The following ATRNL1 variants were observed in gnomAD, a reference collection of about 807,000 sequenced individuals.
ATRNL1 encodes the protein attractin-like protein 1.
In ATRNL1, 95 loss-of-function variants were observed where a neutral mutation model predicts 182.7. The observed-to-expected ratio is 0.52, with a 90% CI of 0.44 to 0.62. The LOEUF (loss-of-function observed/expected upper bound fraction) is 0.62. Among genes scored for constraint, ATRNL1 ranks in the 20% least tolerant of loss-of-function variants. The pLI is 0.00. For missense variants in ATRNL1, 1,471 were observed against 1,679.5 expected (o/e 0.88, Z 2.17); for synonymous variants, 576 against 568.3 (o/e 1.01, Z -0.19).
chr10:115,764,685 G>C (rs1555074525), intron 27 of ATRNL1, among the ~76,000 whole-genome samples: 2 of 151,598 alleles, frequency 1.3e-5, no homozygotes, highest in South Asian at 4.2e-4. Flanking sequence ...TTTTTTTGTT[G>C]TTGTTGAGAT....
At chr10:115,442,303 C>CTCTCTCTCTCTGTGTG (rs782157017) in intron 21 of ATRNL1, among the ~76,000 whole-genome samples, 33 of 123,856 alleles carry the variant, frequency 2.7e-4, no homozygotes, top group South Asian at 5.1e-4. Context: ...CTCTCTCTCT[C>CTCTCTCTCTCTGTGTG]TGTGTGTATG....
At chr10:115,130,408 A>G (rs535465669) in intron 5 of ATRNL1, among the ~76,000 whole-genome samples, 20 of 152,108 alleles carry the variant, frequency 1.3e-4, no homozygotes, top group Non-Finnish European at 2.6e-4. Context: ...AGTTGTATTC[A>G]TTATTCCTGA....
chr10:115,784,567 C>T (rs782361886), intron 27 of ATRNL1, among the ~76,000 whole-genome samples: 4 of 152,274 alleles, frequency 2.6e-5, no homozygotes, highest in Middle Eastern at 3.4e-3. Flanking sequence ...AAAATGTATT[C>T]TCTCTCAGTC....
At chr10:115,125,857 A>G (rs559291928) in intron 3 of ATRNL1, among the ~76,000 whole-genome samples, 76 of 152,294 alleles carry the variant, frequency 5.0e-4, no homozygotes, top group Non-Finnish European at 1.0e-3. Flanking sequence ...CAGCCTTGAA[A>G]TCAGCAAATG....
intron 1 of ATRNL1, among the ~76,000 whole-genome samples, chr10:115,100,574 C>T (rs1554864372): frequency 6.6e-6 from 1 of 152,104 alleles, no homozygotes; most frequent in Non-Finnish European, 1.5e-5. Flanking sequence ...ATTTGTGTTT[C>T]TATTTCTGGA....
Position 115,129,343 on chromosome 10 carries a change from A to G in ATRNL1, c.637A>G (p.Asn213Asp). 5.6e-6 allele frequency: 9 copies of G among 1,612,650 alleles called. No individual in the cohort carries two copies. The highest frequency in any genetic ancestry group is 6.8e-6 in the Non-Finnish European group (8 of 1,178,794). ...NIFYSINSCPNNCSGHGKCTT... is the reference protein window; with the variant it reads ...NIFYSINSCPDNCSGHGKCTT... ...ATTTTACAGAATCAATTCTTGTCCT[A>G]ACAATTGCTCTGGTCATGGGAAGTG... Residue 213 changes from asparagine (N) to aspartate (D), a missense_variant, in exon 5 of 29, where the codon AAC (asparagine) becomes GAC (aspartate). Transcript: ENST00000355044.
chr10:115,707,146 C>T (rs532148771), intron 26 of ATRNL1, among the ~76,000 whole-genome samples: 49 of 151,824 alleles, frequency 3.2e-4, no homozygotes, highest in Middle Eastern at 3.4e-3. Flanking sequence ...ATAATGGCTA[C>T]AAATAAGGCA....
At chr10:115,376,748 T>G (rs1440612996) in intron 19 of ATRNL1, among the ~76,000 whole-genome samples, 1 of 152,216 alleles carries the variant, frequency 6.6e-6, no homozygotes, top group South Asian at 2.1e-4. Context: ...GAAATCTGGA[T>G]GTCTGTAACC....
chr10:115,371,640 G>A (rs1857400443), intron 19 of ATRNL1, among the ~76,000 whole-genome samples: 2 of 152,170 alleles, frequency 1.3e-5, no homozygotes, highest in South Asian at 4.1e-4. Flanking sequence ...ATTGTATCTA[G>A]GAAGTAACTA....
At chr10:115,464,712 G>C (rs1847969221) in intron 22 of ATRNL1, among the ~76,000 whole-genome samples, 1 of 151,746 alleles carries the variant, frequency 6.6e-6, no homozygotes, top group Admixed American at 6.6e-5. Flanking sequence ...ATCTCATCCA[G>C]CATAAGGTAC....
intron 24 of ATRNL1, among the ~76,000 whole-genome samples, chr10:115,490,511 T>G (rs1427008400): frequency 7.2e-5 from 11 of 152,172 alleles, no homozygotes; most frequent in African/African-American, 2.7e-4. Context: ...CCTTGATTGA[T>G]TCAGCTATTG....
chr10:115,176,697 G>A (rs1333233743), intron 8 of ATRNL1, among the ~76,000 whole-genome samples: 1 of 152,036 alleles, frequency 6.6e-6, no homozygotes, highest in Admixed American at 6.6e-5. Flanking sequence ...GTGTTTTAAC[G>A]ATGAGGAGTT....
chr10:115,209,490 C>A (rs905525602), intron 8 of ATRNL1, among the ~76,000 whole-genome samples: 3 of 149,638 alleles, frequency 2.0e-5, no homozygotes, highest in Admixed American at 1.3e-4. Flanking sequence ...TCCATCATGG[C>A]CTAATGAAGA....
chr10:115,771,554 C>T (rs1216198739), intron 27 of ATRNL1, among the ~76,000 whole-genome samples: 2 of 152,176 alleles, frequency 1.3e-5, no homozygotes, highest in Non-Finnish European at 2.9e-5. Flanking sequence ...TTATCTGCCT[C>T]TTAATCTTGT....
At chr10:115,249,008 G>T (rs1222455896) in intron 10 of ATRNL1, among the ~76,000 whole-genome samples, 1 of 151,964 alleles carries the variant, frequency 6.6e-6, no homozygotes, top group African/African-American at 2.4e-5. Flanking sequence ...AACAGTAAAA[G>T]ATTTTTATTT....
At chr10:115,513,782 C>T (rs1850505969) in intron 24 of ATRNL1, among the ~76,000 whole-genome samples, 1 of 151,792 alleles carries the variant, frequency 6.6e-6, no homozygotes, top group South Asian at 2.1e-4. Context: ...TATGGAAAGT[C>T]TCGGGTGGAG....
chr10:115,855,617 G>A (rs782762368), intron 28 of ATRNL1, among the ~76,000 whole-genome samples: 4 of 152,072 alleles, frequency 2.6e-5, no homozygotes, highest in Non-Finnish European at 5.9e-5. Context: ...ATGTGCAAAA[G>A]ATGTATACTC....
At chr10:115,236,576 G>GT (rs1219662068) in intron 9 of ATRNL1, among the ~76,000 whole-genome samples, 2 of 151,972 alleles carry the variant, frequency 1.3e-5, no homozygotes, top group East Asian at 1.9e-4. Flanking sequence ...TGTTTGTTTT[G>GT]TTTTTTTAAC....
intron 26 of ATRNL1, among the ~76,000 whole-genome samples, chr10:115,682,861 G>A (rs144735296): frequency 1.6e-3 from 248 of 152,208 alleles, no homozygotes; most frequent in African/African-American, 5.5e-3. Flanking sequence ...TATCACAACA[G>A]AAGCAGTATT....
Sources: allele counts gnomAD v4.1 joint callset (sites outside exome capture counted in the v4.1 genomes callset), GRCh38; gene constraint gnomAD v4.1.1; transcripts MANE v1.5; gene names NCBI Gene and HGNC (gene_info 2026-07-23, HGNC 2026-07-21).